AAK1: variants seen among roughly 807,000 people sequenced by gnomAD.
The protein encoded by AAK1 is AP2-associated protein kinase 1.
Under a neutral mutation model 116.0 loss-of-function variants are expected in AAK1, and 37 were observed. That is an observed-to-expected ratio of 0.32 (90% CI 0.25 to 0.42). The LOEUF (loss-of-function observed/expected upper bound fraction) is 0.42. Among genes scored for constraint, AAK1 ranks in the 10% least tolerant of loss-of-function variants. The pLI, the probability that AAK1 is intolerant of heterozygous loss-of-function variation, is 1.00. For missense variants in AAK1, 919 were observed against 1,170.6 expected, an observed-to-expected ratio of 0.79 and a Z score of 3.14; for synonymous variants, 458 against 439.9, an observed-to-expected ratio of 1.04 and a Z score of -0.51.
At chr2:69,527,051 T>C (rs563948096) in intron 9 of AAK1, among the ~76,000 whole-genome samples, 165 bp downstream of exon 9, 1 of 152,346 alleles carries the variant, frequency 6.6e-6, no homozygotes, top group South Asian at 2.1e-4. Context: ...ATGGGAAAAC[T>C]GGATTCCCTT....
intron 19 of AAK1, among the ~76,000 whole-genome samples, chr2:69,479,934 T>C (rs960765480): frequency 2.0e-5 from 3 of 152,078 alleles, no homozygotes; most frequent in Non-Finnish European, 4.4e-5. Flanking sequence ...TTTGTATTTT[T>C]AGTGGAGACG....
intron 2 of AAK1, among the ~76,000 whole-genome samples, chr2:69,612,691 A>T (rs1213535851): frequency 1.3e-5 from 2 of 152,188 alleles, no homozygotes; most frequent in African/African-American, 2.4e-5. Context: ...TTACCAAGGA[A>T]GTCTCAGTGT....
intron 2 of AAK1, among the ~76,000 whole-genome samples, chr2:69,576,293 T>C (rs1277401881): frequency 6.6e-6 from 1 of 152,192 alleles, no homozygotes; most frequent in Non-Finnish European, 1.5e-5. Context: ...AACAGAATAC[T>C]ATTTTAAGAT....
chr2:69,544,651 G>A, intron 3 of AAK1, 107 bp from the exon 4 acceptor site: 3 of 805,402 alleles, frequency 3.7e-6, no homozygotes, highest in Non-Finnish European at 6.0e-6. Flanking sequence ...AGATGATACA[G>A]TGTTGACAGA....
chr2:69,490,936 C>CACACACACACAT (rs1266668004), intron 17 of AAK1, among the ~76,000 whole-genome samples: 1 of 151,574 alleles, frequency 6.6e-6, no homozygotes, highest in East Asian at 1.9e-4. Flanking sequence ...CACACACACA[C>CACACACACACAT]ACACACACAC....
intron 2 of AAK1, chr2:69,594,932 T>G (rs1673199734): frequency 3.7e-6 from 4 of 1,068,070 alleles, no homozygotes; most frequent in Non-Finnish European, 5.8e-6. Flanking sequence ...CCACTCTGCT[T>G]CCTGTCATAA....
rs1028250591 is a variant in AAK1, at chr2:69,468,381, G to A, written c.*7488C>T. 6 of 985,232 alleles carry A rather than the reference G, an allele frequency of 6.1e-6. No individual in the cohort carries two copies. Among genetic ancestry groups the A allele is most frequent in the African/African-American group, 1.7e-5 (1 of 57,208 alleles). The allele number at this position is 985,232 out of a possible 1,614,324, so 61.0% of individuals were successfully genotyped here. ...ATAAGGTTTGCAGAGCCTTAAAGAA[G>A]GACAAGAGGGCCCTAAAACTCCTTG... On this transcript the variant is annotated 3_prime_UTR_variant, in exon 22 of 22. Coordinates refer to ENST00000409085, the MANE Select transcript of AAK1 (RefSeq NM_014911.5).
In AAK1 at chr2:69,495,969, A is replaced by C; in HGVS notation, c.2365+16T>G. On this transcript the variant is annotated intron_variant, in intron 17 of 21. Coordinates refer to ENST00000409085, the MANE Select transcript of AAK1 (RefSeq NM_014911.5). ...AAATCAAGCTGCTTAACCTCAGAAC[A>C]GTTCTGTTCACCTACCTGGTGCATC... 1 of 1,549,634 alleles carries C rather than the reference A, an allele frequency of 6.5e-7. No individual in the cohort carries two copies. Among genetic ancestry groups the C allele is most frequent in the Non-Finnish European group, 8.7e-7 (1 of 1,145,384 alleles).
chr2:69,518,998 G>C lies in AAK1; in HGVS notation c.1453C>G (p.Pro485Ala), dbSNP rs866337901. 2 of 1,549,700 alleles carry C rather than the reference G, an allele frequency of 1.3e-6. No homozygotes were observed. Among genetic ancestry groups the C allele is most frequent in the Middle Eastern group, 2.1e-4 (1 of 4,878 alleles). ...TGCTGCTGGTAAAACGTGCCTGCCGGCTGCTGCTGTGCTGGCGGTGGCTGT... is the reference window on the plus strand; with the variant it reads ...TGCTGCTGGTAAAACGTGCCTGCCGCCTGCTGCTGTGCTGGCGGTGGCTGT... The part of the protein sequence containing the change: ...QQQPPPAQQQ[P>A]AGTFYQQQQA... The change falls in exon 12 of 22, where the codon CCG becomes GCG. Residue 485 changes from proline to alanine, a missense_variant. Pro to Ala is a conservative substitution (Grantham distance 27). This residue lies in a region of AAK1 where 214 missense variants were observed against 210.6 expected (regional missense o/e 1.02). Transcript: ENST00000409085.
intron 5 of AAK1, among the ~76,000 whole-genome samples, chr2:69,540,883 C>CA (rs1428498125): frequency 2.0e-5 from 3 of 152,144 alleles, no homozygotes; most frequent in Non-Finnish European, 4.4e-5. Context: ...AATGGATAAA[C>CA]AAAATGTGGT....
At position 69,460,136 on chromosome 2, in the gene AAK1, C is replaced by G. The variant is rs975051160; in HGVS notation, c.*15733G>C. On this transcript the variant is annotated 3_prime_UTR_variant, in exon 22 of 22. Coordinates refer to ENST00000409085, the MANE Select transcript of AAK1 (RefSeq NM_014911.5). ...CCACATTTCTCGGATAAAACCACAT[C>G]TGTGGTTTTATCCAGCAACCATTTC... The G allele has an allele frequency of 1.3e-5, 2 of 152,490 alleles. No individual in the cohort carries two copies. Among genetic ancestry groups the G allele is most frequent in the African/African-American group, 4.8e-5 (2 of 41,424 alleles). 9.4% of individuals were successfully genotyped at this position (152,490 alleles called of 1,614,324 possible).
At chr2:69,514,850 G>C in intron 12 of AAK1, 101 bp from the exon 13 acceptor site, 1 of 1,336,300 alleles carries the variant, frequency 7.5e-7, no homozygotes, top group Non-Finnish European at 1.0e-6. Context: ...AAAGCCAAAG[G>C]CAAGGGCAAG....
intron 12 of AAK1, among the ~76,000 whole-genome samples, chr2:69,516,337 C>T (rs1479262954): frequency 6.7e-6 from 1 of 150,284 alleles, no homozygotes; most frequent in East Asian, 1.9e-4. Context: ...ACAACAAAAT[C>T]CAAGAAGTTA....
Position 69,557,007 on chromosome 2 carries a change from T to C in AAK1, c.164-29A>G, listed in dbSNP as rs368970325. ...TGAGAGAAACACACACAAGCTCTTT[T>C]GAGTCAATGTTCAAAAAGTCAGCCA... On this transcript the variant is annotated intron_variant, in intron 2 of 21. Transcript: ENST00000409085. 3.9e-6 allele frequency: 6 copies of C among 1,556,708 alleles called. No individual in the cohort carries two copies. The African/African-American group carries it at 8.1e-5, about 21-fold the overall frequency.
At chr2:69,558,662 G>A (rs1671496153) in intron 2 of AAK1, among the ~76,000 whole-genome samples, 1 of 152,160 alleles carries the variant, frequency 6.6e-6, no homozygotes, top group Non-Finnish European at 1.5e-5. Context: ...GCACAGAGGT[G>A]GTCACTAATT....
chr2:69,559,776 A>T (rs2105092041), intron 2 of AAK1, among the ~76,000 whole-genome samples: 1 of 152,352 alleles, frequency 6.6e-6, no homozygotes, highest in African/African-American at 2.4e-5. Flanking sequence ...ATGTTGTGAA[A>T]CAAAAGGTGG....
At position 69,469,569 on chromosome 2, in the gene AAK1, C is replaced by A. The variant is rs1674606859; in HGVS notation, c.*6300G>T. 4.1e-6 allele frequency: 4 copies of A among 985,418 alleles called. No individual in the cohort carries two copies. The highest frequency in any genetic ancestry group is 4.8e-6 in the Non-Finnish European group (4 of 829,932). 61.0% of individuals were successfully genotyped at this position (985,418 alleles called of 1,614,324 possible). A position where few individuals can be genotyped will look rare whatever the true frequency, so the allele number is the denominator to read the frequency against. ...TGCCTTGACCCAGTTCCTTTGGTAA[C>A]CAATGGCACGTCATAGCAGATACCC... On this transcript the variant is annotated 3_prime_UTR_variant, in exon 22 of 22. Coordinates refer to ENST00000409085, the MANE Select transcript of AAK1 (RefSeq NM_014911.5).
chr2:69,480,676 T>C (rs1675051907), intron 19 of AAK1, among the ~76,000 whole-genome samples, 184 bp downstream of exon 19: 1 of 152,016 alleles, frequency 6.6e-6, no homozygotes, highest in Non-Finnish European at 1.5e-5. Flanking sequence ...TACTCAGTTC[T>C]TTAGCAAGGA....
rs1200320513 is a variant in AAK1, at chr2:69,541,697, C to G, written c.534+826G>C. Reference sequence around the variant, plus strand: ...TCTTATTAAGATATGGCTTCTTGGGCTTCCCTGATGTCACTACCAAAATTT... The same window carrying G: ...TCTTATTAAGATATGGCTTCTTGGGGTTCCCTGATGTCACTACCAAAATTT... On this transcript the variant is annotated intron_variant, in intron 5 of 21. Transcript: ENST00000409085. Among the ~76,000 whole-genome samples the G allele has an allele frequency of 2.0e-5, 3 of 152,146 alleles. No individual in the cohort carries two copies. The East Asian group carries it at 5.8e-4, about 29-fold the overall frequency.
Sources: allele counts gnomAD v4.1 joint callset (sites outside exome capture counted in the v4.1 genomes callset), GRCh38; gene constraint gnomAD v4.1.1; regional missense constraint gnomAD v4.1.1; transcripts MANE v1.5; gene names NCBI Gene and HGNC (gene_info 2026-07-23, HGNC 2026-07-21).